Variants in ELP6 observed in about 807,000 individuals in gnomAD.
ELP6 encodes elongator acetyltransferase complex subunit 6.
ELP6 carries 23 observed loss-of-function variants against 28.1 expected under a neutral mutation model. The observed-to-expected ratio is 0.82, with a 90% CI of 0.59 to 1.16. ELP6 has a LOEUF of 1.16. Among genes scored for constraint, ELP6 ranks in the 50% most tolerant of loss-of-function variants. The pLI is 0.00. For missense variants in ELP6, 313 were observed against 334.6 expected, an observed-to-expected ratio of 0.94 and a Z score of 0.50; for synonymous variants, 132 against 135.8, an observed-to-expected ratio of 0.97 and a Z score of 0.19.
chr3:47,513,333 TATGCGAG>T, intron 1 of ELP6, 197 bp downstream of exon 1: 1 of 1,397,798 alleles, frequency 7.2e-7, no homozygotes, highest in Non-Finnish European at 9.2e-7. Context: ...CCGTTGAGAA[TATGCGAG>T]ATGGCCCAGA....
In ELP6 at chr3:47,513,600, C is replaced by T. The variant is rs765479627; in HGVS notation, c.-10G>A. On this transcript the variant is annotated 5_prime_UTR_variant, in exon 1 of 7. Transcript: ENST00000296149. ...TAAGTTCCACGAACATTCCGAGCTCCTGGGACTAGCGCTCTGGAGGAGAAC... is the reference window on the plus strand; with the variant it reads ...TAAGTTCCACGAACATTCCGAGCTCTTGGGACTAGCGCTCTGGAGGAGAAC... The T allele has an allele frequency of 8.1e-6, 13 of 1,613,328 alleles. No homozygotes were observed. The highest frequency in any genetic ancestry group is 1.1e-5 in the Non-Finnish European group (13 of 1,179,692).
chr3:47,504,162 A>G (rs1708754104), intron 4 of ELP6, 168 bp downstream of exon 4: 1 of 822,870 alleles, frequency 1.2e-6, no homozygotes, highest in Non-Finnish European at 1.8e-6. Context: ...CCTCAGCCCC[A>G]TGATAAGAGC....
Position 47,511,143 on chromosome 3 carries a change from C to T in ELP6, c.133+5G>A, listed in dbSNP as rs1266698682. Reference sequence around the variant, plus strand: ...TCTTTTCTACAGCATCAATGAGTCCCATACCTTTGAGATAGAAGGAGAGAA... The same window carrying T: ...TCTTTTCTACAGCATCAATGAGTCCTATACCTTTGAGATAGAAGGAGAGAA... On this transcript the variant is annotated splice_donor_5th_base_variant and intron_variant, in intron 2 of 6. Transcript: ENST00000296149. 3 of 1,613,158 alleles carry T rather than the reference C, an allele frequency of 1.9e-6. No homozygotes were observed. Among genetic ancestry groups the T allele is most frequent in the Non-Finnish European group, 8.5e-7 (1 of 1,179,218 alleles).
In ELP6 at chr3:47,504,346, G is replaced by T. The variant is rs772739613; in HGVS notation, c.307C>A (p.Pro103Thr). ...CTGACTGACCTGAGAAACTGCAGGG[G>T]GTGTGGCTCCTTTTGAGCCTGGAAG... is the stretch of plus-strand genomic sequence containing the variant. ...VVFQAQKEPH[P>T]LQFLREANAG... Residue 103 changes from proline to threonine, a missense_variant, in exon 4 of 7, where the codon CCC becomes ACC. Pro to Thr is a conservative substitution (Grantham distance 38, BLOSUM62 -1). Transcript: ENST00000296149. 32 of 1,608,456 alleles carry T rather than the reference G, an allele frequency of 2.0e-5. No homozygotes were observed. The East Asian group carries it at 7.2e-4, about 36-fold the overall frequency.
At chr3:47,513,419 C>T (rs2029961191) in intron 1 of ELP6, 118 bp downstream of exon 1, 1 of 1,505,880 alleles carries the variant, frequency 6.6e-7, no homozygotes, top group Non-Finnish European at 8.8e-7. Context: ...CTACAACTCC[C>T]AGGTACCCCG....
intron 5 of ELP6, 177 bp downstream of exon 5, chr3:47,501,472 TA>T (rs528125317): frequency 1.6e-6 from 1 of 625,800 alleles, no homozygotes; most frequent in African/African-American, 1.8e-5. Context: ...TGGGGGGCTT[TA>T]CTTTTCAGCA....
chr3:47,503,353 T>C, intron 4 of ELP6: 1 of 1,289,750 alleles, frequency 7.8e-7, no homozygotes, highest in Non-Finnish European at 1.0e-6. Context: ...AGAGCTATGT[T>C]TGTGGCCAAT....
chr3:47,512,459 G>T, intron 1 of ELP6: 1 of 269,510 alleles, frequency 3.7e-6, no homozygotes, highest in Non-Finnish European at 5.7e-6. Flanking sequence ...GGCTGAATAA[G>T]GAGAATCACT....
rs751844788 is a variant in ELP6 at position 47,498,255 on chromosome 3, G to A, written c.672+31C>T. 5 of 1,610,884 alleles carry A rather than the reference G, an allele frequency of 3.1e-6. No individual in the cohort carries two copies. The African/African-American group carries it at 5.3e-5, about 17-fold the overall frequency. ...TCAAGAATCACAGGTACACGGGCAAGAAGCCTGTTGCCCAGGAGGCCCCTG... is the reference window on the plus strand; with the variant it reads ...TCAAGAATCACAGGTACACGGGCAAAAAGCCTGTTGCCCAGGAGGCCCCTG... On this transcript the variant is annotated intron_variant, in intron 6 of 6. Coordinates refer to ENST00000296149, the MANE Select transcript of ELP6 (RefSeq NM_001031703.3).
chr3:47,504,143 A>T (rs1708753803), intron 4 of ELP6, 187 bp downstream of exon 4: 1 of 671,748 alleles, frequency 1.5e-6, no homozygotes, highest in Non-Finnish European at 2.4e-6. Flanking sequence ...TTTTGGGACA[A>T]ATGTCCACCC....
chr3:47,498,567 G>A, intron 5 of ELP6, 135 bp from the exon 6 acceptor site: 1 of 1,505,514 alleles, frequency 6.6e-7, no homozygotes, highest in African/African-American at 1.4e-5. Context: ...GCTACAGCCA[G>A]CCCCTACCTG....
chr3:47,499,513 C>T (rs1403525219), intron 5 of ELP6, among the ~76,000 whole-genome samples: 1 of 73,794 alleles, frequency 1.4e-5, no homozygotes, highest in South Asian at 6.6e-4. Context: ...AGCAAGAGTC[C>T]ATCTCAAAAA....
chr3:47,505,358 CT>C (rs958157620), intron 3 of ELP6, among the ~76,000 whole-genome samples: 43 of 149,916 alleles, frequency 2.9e-4, no homozygotes, highest in Non-Finnish European at 4.0e-4. Flanking sequence ...CAGACTAGGA[CT>C]TTTTTTTTTC....
intron 5 of ELP6, chr3:47,500,148 G>A: frequency 4.3e-6 from 5 of 1,154,704 alleles, no homozygotes; most frequent in Non-Finnish European, 5.4e-6. Flanking sequence ...CCAGAAAAAA[G>A]GGAAAAGAAT....
intron 4 of ELP6, chr3:47,503,382 G>T (rs1335038761): frequency 7.8e-7 from 1 of 1,289,668 alleles, no homozygotes; most frequent in East Asian, 5.5e-5. Context: ...AGGAGGAAAA[G>T]CAGGAAAACC....
At chr3:47,499,774 C>G in intron 5 of ELP6, 1 of 1,046,366 alleles carries the variant, frequency 9.6e-7, no homozygotes, top group Non-Finnish European at 1.2e-6. Context: ...AGCAGCATGG[C>G]CAGGCCGGGG....
rs1249069053 is a variant in ELP6 at position 47,504,420 on chromosome 3, C to T, written c.233G>A (p.Arg78His). Reference sequence around the variant, plus strand: ...TCCCTCAAGGAACACAAGCTGCCCACGCTCCCGCGCCATGGTCAGGCTGAC... The same window carrying T: ...TCCCTCAAGGAACACAAGCTGCCCATGCTCCCGCGCCATGGTCAGGCTGAC... The part of the protein sequence containing the change: ...LGVSLTMARE[R>H]GQLVFLEGLK... Residue 78 changes from arginine (R) to histidine (H), a missense_variant, in exon 4 of 7, where the codon CGT becomes CAT. Coordinates refer to ENST00000296149, the MANE Select transcript of ELP6 (RefSeq NM_001031703.3). 15 of 1,607,380 alleles carry T rather than the reference C, an allele frequency of 9.3e-6. No homozygotes were observed. The highest frequency in any genetic ancestry group is 2.2e-5 in the East Asian group (1 of 44,506).
chr3:47,509,777 T>C (rs557274324), intron 3 of ELP6, among the ~76,000 whole-genome samples: 2 of 151,500 alleles, frequency 1.3e-5, no homozygotes, highest in East Asian at 1.9e-4. Flanking sequence ...AGATTTCTTT[T>C]TTTTTTTTTT....
At chr3:47,506,270 G>A (rs920575828) in intron 3 of ELP6, among the ~76,000 whole-genome samples, 3 of 152,122 alleles carry the variant, frequency 2.0e-5, no homozygotes, top group Non-Finnish European at 1.5e-5. Context: ...CTGCAGGACC[G>A]GGGCGAAATT....
Sources: allele counts gnomAD v4.1 joint callset (sites outside exome capture counted in the v4.1 genomes callset), GRCh38; gene constraint gnomAD v4.1.1; transcripts MANE v1.5; gene names NCBI Gene and HGNC (gene_info 2026-07-23, HGNC 2026-07-21).